Variants in PDE1C observed in about 807,000 individuals in gnomAD.
PDE1C encodes phosphodiesterase 1C.
PDE1C carries 62 observed loss-of-function variants against 93.1 expected under a neutral mutation model. The observed-to-expected ratio is 0.67, with a 90% CI of 0.54 to 0.82. PDE1C has a LOEUF of 0.82. Among genes scored for constraint, PDE1C ranks in the 40% least tolerant of loss-of-function variants. The probability of loss-of-function intolerance (pLI) is 0.00; values close to 1 mark genes in which losing one functional copy is unlikely to be tolerated. For synonymous variants in PDE1C, 325 were observed against 310.1 expected, an observed-to-expected ratio of 1.05 and a Z score of -0.50; for missense variants, 742 against 884.6, an observed-to-expected ratio of 0.84 and a Z score of 2.04.
the PDE1C span, among the ~76,000 whole-genome samples, chr7:31,700,630 C>A: frequency 6.6e-6 from 1 of 152,174 alleles, no homozygotes; most frequent in Non-Finnish European, 1.5e-5. Context: ...AAGATGCCAT[C>A]TAGGCCATTC....
chr7:31,792,500 C>T (rs1784701872), intron 16 of PDE1C, among the ~76,000 whole-genome samples: 2 of 151,940 alleles, frequency 1.3e-5, no homozygotes, highest in Non-Finnish European at 2.9e-5. Context: ...ATAAACACAC[C>T]AATTATATAT....
At chr7:32,227,715 C>T (rs992092852) in intron 1 of PDE1C, among the ~76,000 whole-genome samples, 2 of 152,224 alleles carry the variant, frequency 1.3e-5, no homozygotes, top group African/African-American at 4.8e-5. Context: ...CAACAAAATA[C>T]TGTAAAATGA....
intron 2 of PDE1C, among the ~76,000 whole-genome samples, chr7:31,913,509 C>T (rs549740206): frequency 4.7e-4 from 71 of 152,120 alleles, no homozygotes; most frequent in Middle Eastern, 3.4e-3. Context: ...AAAGCCAGAA[C>T]CTGGAGCCAG....
At chr7:32,409,896 C>T (rs1241558699) in intron 1 of PDE1C, among the ~76,000 whole-genome samples, 3 of 151,538 alleles carry the variant, frequency 2.0e-5, no homozygotes, top group Non-Finnish European at 2.9e-5. Context: ...TTTATATATA[C>T]ACACACAAAT....
intron 1 of PDE1C, among the ~76,000 whole-genome samples, chr7:32,259,323 C>T (rs1206978082): frequency 6.6e-6 from 1 of 152,178 alleles, no homozygotes; most frequent in Non-Finnish European, 1.5e-5. Context: ...TCTCTCCCTT[C>T]CATCATCAGC....
upstream of PDE1C, among the ~76,000 whole-genome samples, chr7:32,072,167 C>A (rs535504620): frequency 2.0e-4 from 30 of 152,272 alleles, 1 homozygote; most frequent in South Asian, 2.1e-4. Context: ...TTTTCCAGAA[C>A]TTAGAGGTGA....
chr7:31,772,118 T>A (rs1584006805), intron 17 of PDE1C, among the ~76,000 whole-genome samples: 2 of 152,064 alleles, frequency 1.3e-5, no homozygotes, highest in East Asian at 3.8e-4. Context: ...AGTTTTGTAG[T>A]TACTTCCACC....
upstream of PDE1C, chr7:32,070,918 A>T (rs1008708458): frequency 2.0e-6 from 2 of 985,198 alleles, no homozygotes; most frequent in African/African-American, 3.5e-5. Flanking sequence ...CCCCGCGCCC[A>T]GCGCCCCGCT....
intron 3 of PDE1C, among the ~76,000 whole-genome samples, chr7:32,095,963 A>C (rs1043941607): frequency 1.3e-5 from 2 of 152,214 alleles, no homozygotes; most frequent in African/African-American, 4.8e-5. Flanking sequence ...CCATAATATT[A>C]TGTTGCATAT....
At chr7:32,077,804 C>T (rs1796436922) in intron 3 of PDE1C, 3 of 927,684 alleles carry the variant, frequency 3.2e-6, no homozygotes, top group Non-Finnish European at 3.9e-6. Flanking sequence ...CTCCTGACTT[C>T]AGGATCCACC....
At chr7:32,124,532 A>G (rs1289735092) in intron 3 of PDE1C, among the ~76,000 whole-genome samples, 1 of 152,090 alleles carries the variant, frequency 6.6e-6, no homozygotes, top group Non-Finnish European at 1.5e-5. Flanking sequence ...CAGAACAGAG[A>G]CGTCGGAAAT....
chr7:31,839,976 G>T (rs1277940719), intron 9 of PDE1C, among the ~76,000 whole-genome samples: 2 of 152,172 alleles, frequency 1.3e-5, no homozygotes, highest in Non-Finnish European at 2.9e-5. Flanking sequence ...GGTGGAAGTT[G>T]CAATGAGGTG....
At chr7:32,230,676 G>C (rs1374062019) in intron 1 of PDE1C, among the ~76,000 whole-genome samples, 2 of 152,062 alleles carry the variant, frequency 1.3e-5, no homozygotes, top group Non-Finnish European at 1.5e-5. Flanking sequence ...CATGAACCCA[G>C]AGTCCACCCC....
chr7:31,781,608 T>C (rs904911406), intron 16 of PDE1C, among the ~76,000 whole-genome samples: 1 of 152,016 alleles, frequency 6.6e-6, no homozygotes, highest in African/African-American at 2.4e-5. Context: ...CTTTACAGCT[T>C]TGAAGAGAGA....
the PDE1C span, among the ~76,000 whole-genome samples, chr7:31,719,158 C>T: frequency 6.6e-6 from 1 of 152,196 alleles, no homozygotes; most frequent in South Asian, 2.1e-4. Flanking sequence ...CTTTAACAAC[C>T]TACCAGAAAT....
intron 3 of PDE1C, among the ~76,000 whole-genome samples, chr7:32,099,632 T>C (rs925251763): frequency 7.9e-5 from 12 of 152,224 alleles, no homozygotes; most frequent in African/African-American, 2.4e-4. Context: ...GCAAATCAAG[T>C]CGGAACTCCT....
chr7:31,937,443 T>G (rs190166719), intron 2 of PDE1C, among the ~76,000 whole-genome samples: 3 of 152,306 alleles, frequency 2.0e-5, no homozygotes, highest in Admixed American at 6.5e-5. Context: ...TTCATGTTAA[T>G]GCTGATCAAT....
At chr7:32,203,195 C>G (rs1805152927) in intron 2 of PDE1C, among the ~76,000 whole-genome samples, 1 of 151,912 alleles carries the variant, frequency 6.6e-6, no homozygotes, top group Non-Finnish European at 1.5e-5. Flanking sequence ...CCACTCATGG[C>G]ATTTCTCAGT....
At chr7:32,168,863 G>A (rs1584893523) in intron 3 of PDE1C, among the ~76,000 whole-genome samples, 1 of 152,128 alleles carries the variant, frequency 6.6e-6, no homozygotes, top group South Asian at 2.1e-4. Flanking sequence ...GGATACAAAA[G>A]AGAGTATATT....
Sources: gnomAD v4.1 joint callset for allele counts (sites outside exome capture counted in the v4.1 genomes callset) on GRCh38, gnomAD v4.1.1 for gene constraint, MANE v1.5 for transcripts, NCBI Gene and HGNC (gene_info 2026-07-23, HGNC 2026-07-21) for gene names.